The following CNTN1 variants were observed in gnomAD, a reference collection of about 807,000 sequenced individuals.
CNTN1 encodes contactin 1, also known as contactin-1.
Under a neutral mutation model 126.4 loss-of-function variants are expected in CNTN1, and 38 were observed. The observed-to-expected ratio is 0.30, with a 90% CI of 0.23 to 0.39. The LOEUF (loss-of-function observed/expected upper bound fraction) is 0.39. CNTN1 is among the 10% of genes least tolerant of loss of function. The probability of loss-of-function intolerance (pLI) is 1.00; values close to 1 mark genes in which losing one functional copy is unlikely to be tolerated. For synonymous variants in CNTN1, 413 were observed against 422.6 expected (o/e 0.98, Z 0.28); for missense variants, 1,009 against 1,248.4 (o/e 0.81, Z 2.89).
chr12:40,790,073 A>G (rs1370723630), intron 1 of CNTN1, among the ~76,000 whole-genome samples: 1 of 152,122 alleles, frequency 6.6e-6, no homozygotes, highest in Non-Finnish European at 1.5e-5. Flanking sequence ...GCTAGTGTTA[A>G]TAGCATGCAC....
intron 1 of CNTN1, among the ~76,000 whole-genome samples, chr12:40,843,823 T>C (rs1055430173): frequency 3.3e-5 from 5 of 152,134 alleles, no homozygotes; most frequent in Non-Finnish European, 5.9e-5. Context: ...CATCGTTTCT[T>C]TGGAATTCAT....
intron 21 of CNTN1, 35 bp downstream of exon 21, chr12:41,025,371 A>G: frequency 6.3e-7 from 1 of 1,594,156 alleles, no homozygotes; most frequent in East Asian, 2.2e-5. Context: ...ACTTGTCAAA[A>G]ACTACCACTG....
intron 1 of CNTN1, among the ~76,000 whole-genome samples, chr12:40,882,068 A>T (rs1943888029): frequency 6.6e-6 from 1 of 151,764 alleles, no homozygotes; most frequent in Admixed American, 6.6e-5. Context: ...TAGGCATCAG[A>T]TGTTGAGGGG....
intron 14 of CNTN1, among the ~76,000 whole-genome samples, chr12:40,956,255 A>T (rs1946876168): frequency 6.6e-6 from 1 of 152,138 alleles, no homozygotes; most frequent in Admixed American, 6.6e-5. Flanking sequence ...ATACAGCTGT[A>T]TACATATATA....
At chr12:40,925,408 G>A (rs1157119362) in intron 6 of CNTN1, among the ~76,000 whole-genome samples, 13 of 151,160 alleles carry the variant, frequency 8.6e-5, no homozygotes, top group Admixed American at 2.6e-4. Context: ...AGAATGAAAC[G>A]TAACAGGCTT....
intron 23 of CNTN1, among the ~76,000 whole-genome samples, chr12:41,067,043 A>G (rs1294169608): frequency 6.6e-6 from 1 of 152,342 alleles, no homozygotes; most frequent in East Asian, 1.9e-4. Context: ...TCTGATATAT[A>G]TGTTGTTAGA....
chr12:40,709,215 T>A (rs985474961), intron 1 of CNTN1, among the ~76,000 whole-genome samples: 1 of 152,180 alleles, frequency 6.6e-6, no homozygotes, highest in African/African-American at 2.4e-5. Flanking sequence ...TCTTCATACA[T>A]CTCCCCCAGT....
At chr12:40,754,139 A>G (rs796777721) in intron 1 of CNTN1, among the ~76,000 whole-genome samples, 45 of 152,216 alleles carry the variant, frequency 3.0e-4, no homozygotes, top group African/African-American at 1.1e-3. Flanking sequence ...AGGATAAATT[A>G]TAATATATGT....
At chr12:40,780,926 T>C (rs1201599438) in intron 1 of CNTN1, among the ~76,000 whole-genome samples, 2 of 151,844 alleles carry the variant, frequency 1.3e-5, no homozygotes, top group Non-Finnish European at 2.9e-5. Context: ...AATCTTTTTT[T>C]TTTTTAATTT....
chr12:40,948,611 A>G (rs1268739231), intron 14 of CNTN1, among the ~76,000 whole-genome samples: 1 of 152,176 alleles, frequency 6.6e-6, no homozygotes, highest in Non-Finnish European at 1.5e-5. Context: ...GGCTAACAGA[A>G]GATTTGATAC....
At chr12:40,726,838 C>T (rs1172432367) in intron 1 of CNTN1, among the ~76,000 whole-genome samples, 7 of 148,352 alleles carry the variant, frequency 4.7e-5, no homozygotes, top group African/African-American at 1.7e-4. Context: ...ATAAGTTAGC[C>T]ATCACAATTT....
intron 1 of CNTN1, among the ~76,000 whole-genome samples, chr12:40,838,378 A>G (rs1336566477): frequency 6.6e-6 from 1 of 152,178 alleles, no homozygotes; most frequent in Non-Finnish European, 1.5e-5. Flanking sequence ...GCCATCCTCC[A>G]TGCCACACCA....
At chr12:40,738,299 A>C (rs1937782807) in intron 1 of CNTN1, among the ~76,000 whole-genome samples, 1 of 152,060 alleles carries the variant, frequency 6.6e-6, no homozygotes, top group Admixed American at 6.6e-5. Flanking sequence ...CACAAATGGC[A>C]CTGGGAAAAT....
At chr12:40,735,625 A>G (rs117016607) in intron 1 of CNTN1, among the ~76,000 whole-genome samples, 2 of 152,238 alleles carry the variant, frequency 1.3e-5, no homozygotes, top group Non-Finnish European at 2.9e-5. Context: ...AATAACAAGA[A>G]AAATGTAAAC....
intron 23 of CNTN1, among the ~76,000 whole-genome samples, 160 bp downstream of exon 23, chr12:41,029,379 T>TATGAGTC (rs1363529316): frequency 4.6e-5 from 7 of 152,186 alleles, no homozygotes; most frequent in Admixed American, 3.9e-4. Context: ...TTTCTCCTCT[T>TATGAGTC]ATGAGTCACA....
At chr12:40,949,409 G>C (rs894226814) in intron 14 of CNTN1, among the ~76,000 whole-genome samples, 2 of 145,820 alleles carry the variant, frequency 1.4e-5, no homozygotes, top group African/African-American at 5.1e-5. Context: ...ATCTCCCGAT[G>C]CTATCCCTAC....
chr12:40,881,956 C>T (rs936456032), intron 1 of CNTN1, among the ~76,000 whole-genome samples: 29 of 151,576 alleles, frequency 1.9e-4, no homozygotes, highest in African/African-American at 7.0e-4. Flanking sequence ...ATTTAATATG[C>T]TATTTATAAT....
intron 1 of CNTN1, among the ~76,000 whole-genome samples, chr12:40,882,608 C>T (rs981840879): frequency 6.6e-6 from 1 of 151,596 alleles, no homozygotes; most frequent in African/African-American, 2.4e-5. Flanking sequence ...GAAATAATCT[C>T]ATCTGGACCT....
At chr12:41,028,052 G>A (rs974726354) in intron 22 of CNTN1, 83 bp downstream of exon 22, 1 of 1,029,762 alleles carries the variant, frequency 9.7e-7, no homozygotes, top group Non-Finnish European at 1.5e-6. Flanking sequence ...CTTTTTTTGA[G>A]ATGGAATTTT....
Sources: gnomAD v4.1 joint callset for allele counts (sites outside exome capture counted in the v4.1 genomes callset) on GRCh38, gnomAD v4.1.1 for gene constraint, MANE v1.5 for transcripts, NCBI Gene and HGNC (gene_info 2026-07-23, HGNC 2026-07-21) for gene names.